The following PDE4D variants were observed in gnomAD, a reference collection of about 807,000 sequenced individuals.
The protein encoded by PDE4D is phosphodiesterase 4D.
In PDE4D, 24 loss-of-function variants were observed where a neutral mutation model predicts 87.4. The observed-to-expected ratio is 0.27, with a 90% CI of 0.20 to 0.39. The LOEUF (loss-of-function observed/expected upper bound fraction) is 0.39. PDE4D is among the 10% of genes least tolerant of loss of function. The pLI is 1.00. For synonymous variants in PDE4D, 384 were observed against 383.2 expected (o/e 1.00, Z -0.02); for missense variants, 714 against 1,041.0 (o/e 0.69, Z 4.32).
intron 1 of PDE4D, among the ~76,000 whole-genome samples, chr5:60,428,018 G>T (rs1248370362): frequency 6.6e-6 from 1 of 152,228 alleles, no homozygotes; most frequent in Non-Finnish European, 1.5e-5. Context: ...TGAGGCTACA[G>T]TAAGCCATGA....
intron 5 of PDE4D, among the ~76,000 whole-genome samples, chr5:59,175,841 G>A (rs1783798364): frequency 2.1e-5 from 3 of 142,362 alleles, no homozygotes; most frequent in African/African-American, 8.1e-5. Context: ...CATTGCCCAG[G>A]CTGGTCTTGA....
chr5:60,352,509 G>C (rs1392043302), intron 1 of PDE4D, among the ~76,000 whole-genome samples: 1 of 152,212 alleles, frequency 6.6e-6, no homozygotes, highest in Admixed American at 6.5e-5. Context: ...CTTACCTGGT[G>C]ATAGGACCCA....
At chr5:59,916,612 T>C (rs1754069987) in intron 3 of PDE4D, among the ~76,000 whole-genome samples, 2 of 152,216 alleles carry the variant, frequency 1.3e-5, no homozygotes, top group South Asian at 4.1e-4. Context: ...TAAAACCTAC[T>C]TAAAACACCA....
intron 1 of PDE4D, among the ~76,000 whole-genome samples, chr5:60,273,938 A>G (rs369452451): frequency 1.3e-5 from 2 of 152,288 alleles, no homozygotes; most frequent in East Asian, 3.9e-4. Context: ...TCTTGGGAAC[A>G]CTGGAATAGA....
chr5:59,083,589 C>A (rs1003798293), intron 5 of PDE4D, among the ~76,000 whole-genome samples: 4 of 117,526 alleles, frequency 3.4e-5, no homozygotes, highest in Admixed American at 9.5e-5. Flanking sequence ...TTTATATATA[C>A]ATATATATTC....
intron 5 of PDE4D, among the ~76,000 whole-genome samples, chr5:59,163,181 A>G (rs1781403819): frequency 6.6e-6 from 1 of 150,618 alleles, no homozygotes; most frequent in African/African-American, 2.4e-5. Flanking sequence ...CCTGGCCTCA[A>G]TCGATCCGCC....
At chr5:59,768,746 A>G in intron 1 of PDE4D, 2 of 958,264 alleles carry the variant, frequency 2.1e-6, no homozygotes, top group Non-Finnish European at 2.9e-6. Flanking sequence ...AAGATCACTG[A>G]CAAGCTCGCA....
At chr5:59,844,603 T>G (rs1406430400) in intron 1 of PDE4D, among the ~76,000 whole-genome samples, 3 of 152,058 alleles carry the variant, frequency 2.0e-5, no homozygotes, top group Non-Finnish European at 4.4e-5. Flanking sequence ...GCCTCCTTCA[T>G]ATATCTGGTT....
chr5:59,661,097 T>TATATATATATATATATATATATATA (rs1561426172), intron 1 of PDE4D, among the ~76,000 whole-genome samples: 1 of 147,800 alleles, frequency 6.8e-6, no homozygotes, highest in African/African-American at 2.5e-5. Flanking sequence ...TATATATATA[T>TATATATATATATATATATATATATA]TTTGTCATCT....
At chr5:59,763,144 C>T (rs115027580) in intron 1 of PDE4D, among the ~76,000 whole-genome samples, 290 of 151,438 alleles carry the variant, frequency 1.9e-3, no homozygotes, top group African/African-American at 6.7e-3. Context: ...CAAACAATGA[C>T]AAAATTTTGG....
At chr5:60,121,722 C>T (rs1778701674) in intron 2 of PDE4D, among the ~76,000 whole-genome samples, 1 of 152,054 alleles carries the variant, frequency 6.6e-6, no homozygotes, top group African/African-American at 2.4e-5. Context: ...CCATATAATT[C>T]CCCCCTGGGC....
intron 1 of PDE4D, among the ~76,000 whole-genome samples, chr5:59,443,640 T>C (rs1797958158): frequency 6.6e-6 from 1 of 152,208 alleles, no homozygotes; most frequent in Non-Finnish European, 1.5e-5. Flanking sequence ...TATTTTGCCA[T>C]CATGAACAAT....
intron 1 of PDE4D, among the ~76,000 whole-genome samples, chr5:60,287,340 T>C (rs368514758): frequency 6.6e-6 from 1 of 152,232 alleles, no homozygotes; most frequent in East Asian, 1.9e-4. Flanking sequence ...TGAGGTGCCA[T>C]GAAAATAAAC....
At chr5:58,980,626 G>A (rs1291634270) in intron 11 of PDE4D, among the ~76,000 whole-genome samples, 1 of 151,766 alleles carries the variant, frequency 6.6e-6, no homozygotes, top group Non-Finnish European at 1.5e-5. Context: ...CCCAACATAT[G>A]CTACTACTGA....
chr5:59,408,238 C>G (rs1385017193), intron 1 of PDE4D, among the ~76,000 whole-genome samples: 1 of 152,220 alleles, frequency 6.6e-6, no homozygotes, highest in Non-Finnish European at 1.5e-5. Flanking sequence ...CATGGTCCAT[C>G]CAGTCCAGCC....
chr5:59,169,206 C>A (rs542838207), intron 5 of PDE4D, among the ~76,000 whole-genome samples: 3 of 152,094 alleles, frequency 2.0e-5, no homozygotes, highest in South Asian at 4.1e-4. Flanking sequence ...TTTTGCCCCA[C>A]CACAGTCACT....
chr5:60,512,972 G>A (rs1750641455), intron 1 of PDE4D, among the ~76,000 whole-genome samples: 1 of 152,050 alleles, frequency 6.6e-6, no homozygotes, highest in Non-Finnish European at 1.5e-5. Context: ...AGTGGTGGAA[G>A]TCAACAGAGC....
At position 60,176,821 on chromosome 5, in the gene PDE4D, G is replaced by A. The variant is rs549677680; in HGVS notation, c.42+8736C>T. On this transcript the variant is annotated intron_variant, in intron 2 of 16. Transcript: ENST00000502484. ...GCCTTTGCATAACGCTGTAAAAGGA[G>A]TTTTTTGTTGTGGGCAGAGTTGTAT... 3.7e-4 allele frequency among the ~76,000 whole-genome samples: 56 copies of A among 152,254 alleles called. 2 individuals carry two copies. The South Asian group carries it at 0.011, about 30-fold the overall frequency.
intron 3 of PDE4D, among the ~76,000 whole-genome samples, chr5:59,944,283 T>C (rs1387795604): frequency 6.6e-6 from 1 of 152,266 alleles, no homozygotes; most frequent in African/African-American, 2.4e-5. Flanking sequence ...CTTTTGATAC[T>C]TTTCCATCTG....
Sources: gnomAD v4.1 joint callset for allele counts (sites outside exome capture counted in the v4.1 genomes callset) on GRCh38, gnomAD v4.1.1 for gene constraint, MANE v1.5 for transcripts, NCBI Gene and HGNC (gene_info 2026-07-23, HGNC 2026-07-21) for gene names.